The following FAM83D variants were observed in gnomAD, a reference collection of about 807,000 sequenced individuals.
FAM83D encodes the protein scaffolding CK1 anchoring protein D.
In FAM83D, 26 loss-of-function variants were observed where a neutral mutation model predicts 25.4. The observed-to-expected ratio is 1.02, with a 90% CI of 0.75 to 1.42. FAM83D has a LOEUF of 1.42. Ranked by LOEUF, FAM83D falls within the 40% of genes most tolerant of loss-of-function variation. FAM83D has a pLI of 0.00. For synonymous variants in FAM83D, 310 were observed against 318.5 expected, an observed-to-expected ratio of 0.97 and a Z score of 0.28; for missense variants, 740 against 758.1, an observed-to-expected ratio of 0.98 and a Z score of 0.28.
rs565619846 is a variant in FAM83D, at chr20:38,929,955, C to G, written c.483+3030C>G. Among the ~76,000 whole-genome samples the G allele has an allele frequency of 5.3e-5, 8 of 152,298 alleles. 1 individual carries two copies. In the South Asian group the frequency reaches 1.7e-3, roughly 32 times the overall value. Reference sequence around the variant, plus strand: ...CAGCTAGAGAATGAAGGAGCCTGTACTCAAATTGAGGCACAGAATGTCTGA... The same window carrying G: ...CAGCTAGAGAATGAAGGAGCCTGTAGTCAAATTGAGGCACAGAATGTCTGA... On this transcript the variant is annotated intron_variant, in intron 1 of 3. Transcript: ENST00000619850.
intron 1 of FAM83D, among the ~76,000 whole-genome samples, chr20:38,941,286 TAGAA>T (rs2085700925): frequency 6.6e-6 from 1 of 152,024 alleles, no homozygotes; most frequent in Non-Finnish European, 1.5e-5. Flanking sequence ...GCCTGGCTGG[TAGAA>T]AGAACAGAAT....
intron 1 of FAM83D, among the ~76,000 whole-genome samples, chr20:38,939,182 T>A (rs918646228): frequency 1.3e-5 from 2 of 152,152 alleles, no homozygotes; most frequent in Non-Finnish European, 2.9e-5. Flanking sequence ...GGGAATGCCT[T>A]CTCCTCCCTT....
chr20:38,938,586 C>A (rs1031948075), intron 1 of FAM83D, among the ~76,000 whole-genome samples: 2 of 152,224 alleles, frequency 1.3e-5, no homozygotes, highest in African/African-American at 2.4e-5. Flanking sequence ...ATATTCCAAA[C>A]CTCTTTTTGA....
intron 1 of FAM83D, among the ~76,000 whole-genome samples, chr20:38,940,261 C>A (rs1388452837): frequency 6.6e-6 from 1 of 152,168 alleles, no homozygotes; most frequent in Non-Finnish European, 1.5e-5. Context: ...AACTGGTCTT[C>A]TCAACCCCCT....
At chr20:38,934,648 T>C (rs1255442763) in intron 1 of FAM83D, among the ~76,000 whole-genome samples, 2 of 152,332 alleles carry the variant, frequency 1.3e-5, no homozygotes, top group South Asian at 2.1e-4. Flanking sequence ...TGAATAGTTG[T>C]AGACAATAGG....
At chr20:38,927,527 G>C (rs1258447395) in intron 1 of FAM83D, among the ~76,000 whole-genome samples, 1 of 105,748 alleles carries the variant, frequency 9.5e-6, no homozygotes, top group Non-Finnish European at 1.8e-5. Flanking sequence ...TTTTGAGACA[G>C]ATTCTCTTTT....
chr20:38,947,895 T>C lies in FAM83D; in HGVS notation c.671T>C (p.Ile224Thr). ...EQEKLMTVRT[I>T]TGNIYYARSG... Reference sequence around the variant, plus strand: ...CAACAGTTAATGACAGTTCGGACTATCACAGGAAATATCTACTATGCAAGG... The same window carrying C: ...CAACAGTTAATGACAGTTCGGACTACCACAGGAAATATCTACTATGCAAGG... The change falls in exon 3 of 4, where the codon ATC (isoleucine) becomes ACC (threonine). Residue 224 changes from isoleucine to threonine, a missense_variant. Coordinates refer to ENST00000619850, the MANE Select transcript of FAM83D (RefSeq NM_030919.3). 6.2e-7 allele frequency: 1 copy of C among 1,614,216 alleles called. No individual in the cohort carries two copies. The highest frequency in any genetic ancestry group is 1.1e-5 in the South Asian group (1 of 91,086).
chr20:38,930,915 C>T (rs765426451), intron 1 of FAM83D, among the ~76,000 whole-genome samples: 4 of 152,140 alleles, frequency 2.6e-5, no homozygotes, highest in African/African-American at 4.8e-5. Flanking sequence ...GGATTACAGG[C>T]GTGAGCCACT....
In FAM83D at chr20:38,926,477, C is replaced by A. The variant is rs746079486; in HGVS notation, c.35C>A (p.Pro12His). The A allele has an allele frequency of 9.4e-6, 15 of 1,596,346 alleles. No homozygotes were observed. Among genetic ancestry groups the A allele is most frequent in the South Asian group, 1.1e-5 (1 of 90,860 alleles). The change falls in exon 1 of 4, where the codon CCC becomes CAC. Residue 12 changes from proline to histidine, a missense_variant. Pro to His is a moderately conservative substitution (Grantham distance 77). Around this residue, in one of 3 missense-constraint regions of FAM83D, gnomAD observed 333 missense variants for 298.6 expected, o/e 1.12. Transcript: ENST00000619850. ...CTGTCCGAGGGCCTGGACGAGGTGC[C>A]CGCCGCCTGCCTGTCGCCGTGCGGG... ...ALLSEGLDEVPAACLSPCGPP... is the reference protein window; with the variant it reads ...ALLSEGLDEVHAACLSPCGPP...
chr20:38,935,706 A>G (rs927965712), intron 1 of FAM83D, among the ~76,000 whole-genome samples: 5 of 152,192 alleles, frequency 3.3e-5, no homozygotes, highest in African/African-American at 1.2e-4. Flanking sequence ...TTAGCCTCCT[A>G]AAGTATTGGG....
At chr20:38,930,058 G>T (rs1601329716) in intron 1 of FAM83D, among the ~76,000 whole-genome samples, 1 of 152,216 alleles carries the variant, frequency 6.6e-6, no homozygotes, top group Non-Finnish European at 1.5e-5. Flanking sequence ...AGCAGATCTG[G>T]TGGCTAGCTA....
In FAM83D at chr20:38,952,136, T is replaced by TACAGAG; in HGVS notation, c.1379_1380insGACAGA (p.Thr459_Glu460dup). On this transcript the variant is annotated inframe_insertion, in exon 4 of 4. Transcript: ENST00000619850. ...TTCTCTTTCCTCGAGGAACTCAATCTACAGAAGGGTCACCAGTCTCAAAAA... is the reference window on the plus strand; with the variant it reads ...TTCTCTTTCCTCGAGGAACTCAATCTACAGAGACAGAAGGGTCACCAGTCTCAAAAA... 6.2e-7 allele frequency: 1 copy of TACAGAG among 1,614,198 alleles called. No individual in the cohort carries two copies. The highest frequency in any genetic ancestry group is 8.5e-7 in the Non-Finnish European group (1 of 1,180,028).
chr20:38,937,646 G>A (rs1211841743), intron 1 of FAM83D, among the ~76,000 whole-genome samples: 2 of 152,170 alleles, frequency 1.3e-5, no homozygotes, highest in Non-Finnish European at 2.9e-5. Context: ...TTCTACAGTA[G>A]GACTATGGAC....
At chr20:38,941,416 C>T (rs2085701483) in intron 1 of FAM83D, among the ~76,000 whole-genome samples, 1 of 152,158 alleles carries the variant, frequency 6.6e-6, no homozygotes, top group African/African-American at 2.4e-5. Context: ...TTAAAAAAGT[C>T]AGAGATTATG....
intron 1 of FAM83D, among the ~76,000 whole-genome samples, chr20:38,934,628 G>C (rs2085671227): frequency 6.6e-6 from 1 of 151,974 alleles, no homozygotes; most frequent in African/African-American, 2.4e-5. Context: ...TTGATATATT[G>C]GCAAAAATAT....
At chr20:38,934,280 A>C (rs963653641) in intron 1 of FAM83D, among the ~76,000 whole-genome samples, 8 of 152,134 alleles carry the variant, frequency 5.3e-5, no homozygotes, top group Non-Finnish European at 1.2e-4. Context: ...AGCAAAACCC[A>C]AAAATGTAGT....
At position 38,926,740 on chromosome 20, in the gene FAM83D, A is replaced by G; in HGVS notation, c.298A>G (p.Thr100Ala). ...FGSSHDCSSG[T>A]YFPEQSDLEP... The stretch of plus-strand genomic sequence containing the variant: ...CTCCTCGCACGACTGCTCTTCGGGC[A>G]CCTACTTCCCCGAGCAGTCGGACCT... The change falls in exon 1 of 4, where the codon ACC (threonine) becomes GCC (alanine). Residue 100 changes from threonine (T) to alanine (A), a missense_variant. Coordinates refer to ENST00000619850, the MANE Select transcript of FAM83D (RefSeq NM_030919.3). 6.5e-7 allele frequency: 1 copy of G among 1,533,108 alleles called. No homozygotes were observed. The highest frequency in any genetic ancestry group is 8.7e-7 in the Non-Finnish European group (1 of 1,146,512). 95.0% of individuals were successfully genotyped at this position (1,533,108 alleles called of 1,614,324 possible).
intron 3 of FAM83D, among the ~76,000 whole-genome samples, chr20:38,951,112 C>T (rs142887607): frequency 0.13 from 19,766 of 152,168 alleles, 1,357 homozygotes; most frequent in Middle Eastern, 0.19. Flanking sequence ...CATGAGCCAC[C>T]GCGCCTGGCC....
intron 2 of FAM83D, among the ~76,000 whole-genome samples, chr20:38,943,096 C>T (rs2085710194): frequency 6.6e-6 from 1 of 151,452 alleles, no homozygotes. Flanking sequence ...CCAATCTAGG[C>T]TCACTGCAAC....
Sources: gnomAD v4.1 joint callset for allele counts (sites outside exome capture counted in the v4.1 genomes callset) on GRCh38, gnomAD v4.1.1 for gene constraint, gnomAD v4.1.1 regional missense constraint, MANE v1.5 for transcripts, NCBI Gene and HGNC (gene_info 2026-07-23, HGNC 2026-07-21) for gene names.